EVL: variants seen among roughly 807,000 people sequenced by gnomAD.
The protein encoded by EVL is ena/VASP-like protein.
Under a neutral mutation model 59.6 loss-of-function variants are expected in EVL, and 21 were observed. The observed-to-expected ratio is 0.35, with a 90% CI of 0.25 to 0.51. The LOEUF is 0.51. Ranked by LOEUF, EVL falls within the 20% of genes least tolerant of loss-of-function variation. The probability of loss-of-function intolerance (pLI) is 0.97; values close to 1 mark genes in which losing one functional copy is unlikely to be tolerated. For synonymous variants in EVL, 198 were observed against 203.5 expected (o/e 0.97, Z 0.23); for missense variants, 462 against 546.6 (o/e 0.85, Z 1.54).
rs535380493 is a variant in EVL, at chr14:100,138,536, C to G, written c.1094+734C>G. ...CAAATTGAAGGGAAACCACCCTTAT[C>G]ACAGAGCAGGAGGCATTGAAACTGG... is the stretch of plus-strand genomic sequence containing the variant. On this transcript the variant is annotated intron_variant, in intron 11 of 13. Transcript: ENST00000392920. The G allele has an allele frequency of 2.6e-5, 4 of 153,072 alleles. No homozygotes were observed. In the South Asian group the frequency reaches 8.2e-4, roughly 32 times the overall value. The allele number at this position is 153,072 out of a possible 1,614,324, so 9.5% of individuals were successfully genotyped here. A position where few individuals can be genotyped will look rare whatever the true frequency, so the allele number is the denominator to read the frequency against.
intron 1 of EVL, among the ~76,000 whole-genome samples, chr14:100,010,861 A>AC (rs1178498713): frequency 1.3e-5 from 2 of 152,262 alleles, no homozygotes; most frequent in African/African-American, 4.8e-5. Context: ...TAGGGAATTT[A>AC]CAAAGCCTGT....
chr14:99,999,762 A>G (rs1318986419), intron 1 of EVL, among the ~76,000 whole-genome samples: 1 of 152,200 alleles, frequency 6.6e-6, no homozygotes, highest in Non-Finnish European at 1.5e-5. Flanking sequence ...TACTATGAAG[A>G]GGGCATACTG....
At chr14:100,005,630 TAC>T (rs35844160) in intron 1 of EVL, among the ~76,000 whole-genome samples, 24,697 of 143,450 alleles carry the variant, frequency 0.17, 2,236 homozygotes, top group East Asian at 0.43. Context: ...GCCTTTTAAA[TAC>T]ACACACACAC....
chr14:100,128,893 C>T, intron 6 of EVL, 145 bp downstream of exon 6: 1 of 671,636 alleles, frequency 1.5e-6, no homozygotes. Flanking sequence ...CACTTGTTCT[C>T]AAACGAGAAA....
chr14:100,059,086 C>T (rs1007962186), intron 1 of EVL, among the ~76,000 whole-genome samples: 4 of 152,194 alleles, frequency 2.6e-5, no homozygotes, highest in African/African-American at 7.2e-5. Context: ...TTGACTTCTG[C>T]CTCTGGCCAT....
rs774746516 is a variant in EVL at position 100,137,915 on chromosome 14, G to A, written c.1094+113G>A. On this transcript the variant is annotated intron_variant, in intron 11 of 13. Transcript: ENST00000392920. Reference sequence around the variant, plus strand: ...CTCACGTCCTGGCATTTAACAACTTGCTCTGCGAAGGTGGTCTGTTCTTTC... The same window carrying A: ...CTCACGTCCTGGCATTTAACAACTTACTCTGCGAAGGTGGTCTGTTCTTTC... The A allele has an allele frequency of 1.4e-5, 15 of 1,080,658 alleles. No individual in the cohort carries two copies. The South Asian group carries it at 1.6e-4, about 11-fold the overall frequency. The allele number at this position is 1,080,658 out of a possible 1,614,324, so 66.9% of individuals were successfully genotyped here.
intron 1 of EVL, among the ~76,000 whole-genome samples, chr14:100,028,196 A>G (rs1439768194): frequency 4.4e-5 from 6 of 136,668 alleles, no homozygotes; most frequent in Non-Finnish European, 9.2e-5. Context: ...TGGCTGTACT[A>G]ATTTATATTC....
At chr14:100,046,962 C>T (rs568350607) in intron 1 of EVL, among the ~76,000 whole-genome samples, 69 of 151,170 alleles carry the variant, frequency 4.6e-4, no homozygotes, top group African/African-American at 1.6e-3. Flanking sequence ...ACCATGTTAG[C>T]CAGGATGGTC....
In EVL at chr14:100,129,906, C is replaced by G. The variant is rs184875162; in HGVS notation, c.839+222C>G. Among the ~76,000 whole-genome samples the G allele has an allele frequency of 2.2e-4, 34 of 152,342 alleles. No individual in the cohort carries two copies. In the East Asian group the frequency reaches 6.5e-3, roughly 29 times the overall value. ...CTCCAGATCCTTCATTTTAGCTCAG[C>G]AAATATTTCCTGAAGCATCTACCAT... On this transcript the variant is annotated intron_variant, in intron 7 of 13. Coordinates refer to ENST00000392920, the MANE Select transcript of EVL (RefSeq NM_016337.3).
intron 8 of EVL, chr14:100,135,465 A>G (rs1888720859): frequency 6.0e-6 from 1 of 166,238 alleles, no homozygotes; most frequent in Non-Finnish European, 1.3e-5. Flanking sequence ...AGGTGTCCCC[A>G]CTGCTGGATG....
upstream of EVL, among the ~76,000 whole-genome samples, chr14:100,063,705 CCAT>C (rs1239791616): frequency 6.6e-6 from 1 of 152,196 alleles, no homozygotes; most frequent in Non-Finnish European, 1.5e-5. Context: ...CTATTAACCA[CCAT>C]GACCTAATTG....
intron 1 of EVL, among the ~76,000 whole-genome samples, chr14:99,995,388 C>T (rs1237700612): frequency 6.6e-6 from 1 of 152,106 alleles, no homozygotes; most frequent in Non-Finnish European, 1.5e-5. Context: ...TTCGGTGGTT[C>T]TGTCCTCTGC....
At chr14:99,996,156 A>ATT (rs576041164) in intron 1 of EVL, among the ~76,000 whole-genome samples, 39 of 144,248 alleles carry the variant, frequency 2.7e-4, no homozygotes, top group African/African-American at 7.0e-4. Flanking sequence ...GGGATTTGGG[A>ATT]TTTTTTTTTT....
At chr14:100,142,315 A>G (rs4905934) in intron 13 of EVL, 111,011 of 152,624 alleles carry the variant, frequency 0.73, 41,299 homozygotes, top group African/African-American at 0.88. Context: ...GGGAACAGGC[A>G]GGGAGCAGCC....
chr14:100,099,323 C>T (rs1886040907), intron 3 of EVL, among the ~76,000 whole-genome samples: 1 of 152,046 alleles, frequency 6.6e-6, no homozygotes, highest in African/African-American at 2.4e-5. Flanking sequence ...CACTTGAGTC[C>T]AAGAGTTCGA....
chr14:100,067,974 G>A (rs923026460), intron 1 of EVL, among the ~76,000 whole-genome samples: 1 of 152,170 alleles, frequency 6.6e-6, no homozygotes, highest in East Asian at 1.9e-4. Flanking sequence ...GCACTGGCAG[G>A]CATCACAGGC....
At chr14:99,975,424 T>G (rs1382200369) in intron 1 of EVL, among the ~76,000 whole-genome samples, 2 of 152,224 alleles carry the variant, frequency 1.3e-5, no homozygotes, top group African/African-American at 4.8e-5. Flanking sequence ...CATAAGTACT[T>G]CAGTTATTTC....
At chr14:100,009,508 TTC>T in intron 1 of EVL, among the ~76,000 whole-genome samples, 1 of 152,354 alleles carries the variant, frequency 6.6e-6, no homozygotes, top group South Asian at 2.1e-4. Context: ...CATTCATTCT[TTC>T]TGTTTTTTTA....
At chr14:100,032,376 A>G (rs79569417) in intron 1 of EVL, among the ~76,000 whole-genome samples, 1,752 of 152,298 alleles carry the variant, frequency 0.012, 24 homozygotes, top group Middle Eastern at 0.041. Flanking sequence ...TGGGGCATTC[A>G]TGATTATCAG....
Sources: allele counts gnomAD v4.1 joint callset (sites outside exome capture counted in the v4.1 genomes callset), GRCh38; gene constraint gnomAD v4.1.1; transcripts MANE v1.5; gene names NCBI Gene and HGNC (gene_info 2026-07-23, HGNC 2026-07-21).